Variants in SEC22A observed in about 807,000 individuals in gnomAD.
SEC22A encodes vesicle-trafficking protein SEC22a.
SEC22A carries 22 observed loss-of-function variants against 35.3 expected under a neutral mutation model. The observed-to-expected ratio is 0.62, with a 90% CI of 0.45 to 0.89. The LOEUF is 0.89. SEC22A is among the 40% of genes least tolerant of loss of function. SEC22A has a pLI of 0.00. For missense variants in SEC22A, 354 were observed against 362.5 expected (o/e 0.98, Z 0.19); for synonymous variants, 119 against 129.5 (o/e 0.92, Z 0.55).
In SEC22A at chr3:123,271,765, G is replaced by A. The variant is rs1291604655; in HGVS notation, c.*43G>A. On this transcript the variant is annotated 3_prime_UTR_variant, in exon 7 of 7. Transcript: ENST00000492595. ...ATTGCCTTGGCTTCAGGGGGATAAG[G>A]AGGGAACATATCATAACTGCACTGT... is the stretch of plus-strand genomic sequence containing the variant. The A allele has an allele frequency of 6.6e-7, 1 of 1,511,966 alleles. No homozygotes were observed. The highest frequency in any genetic ancestry group is 1.4e-5 in the African/African-American group (1 of 72,874). The allele number at this position is 1,511,966 out of a possible 1,614,324, so 93.7% of individuals were successfully genotyped here.
At chr3:123,224,581 A>G (rs1376449836) in intron 3 of SEC22A, among the ~76,000 whole-genome samples, 1 of 152,160 alleles carries the variant, frequency 6.6e-6, no homozygotes, top group African/African-American at 2.4e-5. Context: ...GGATCACTTA[A>G]GGCCAGGAGT....
chr3:123,217,312 C>A (rs1937046502), intron 2 of SEC22A, among the ~76,000 whole-genome samples: 1 of 152,096 alleles, frequency 6.6e-6, no homozygotes, highest in South Asian at 2.1e-4. Flanking sequence ...ATTCTCCTGC[C>A]TCAGCCTCCT....
chr3:123,257,668 C>T (rs1937765640), intron 5 of SEC22A, among the ~76,000 whole-genome samples: 1 of 151,240 alleles, frequency 6.6e-6, no homozygotes. Flanking sequence ...CACTGCATTC[C>T]AGGCTGGGTG....
intron 5 of SEC22A, among the ~76,000 whole-genome samples, chr3:123,252,750 C>T (rs1937628695): frequency 6.6e-6 from 1 of 152,120 alleles, no homozygotes; most frequent in South Asian, 2.1e-4. Flanking sequence ...TTGTTTCTTC[C>T]AGATTATTAA....
intron 5 of SEC22A, among the ~76,000 whole-genome samples, chr3:123,257,339 A>G (rs1937755811): frequency 6.6e-6 from 1 of 152,230 alleles, no homozygotes; most frequent in South Asian, 2.1e-4. Context: ...TAAGTGTCCC[A>G]GATTATAAGT....
At chr3:123,220,869 TATATATATATAC>T (rs974486717) in intron 2 of SEC22A, among the ~76,000 whole-genome samples, 16 of 116,670 alleles carry the variant, frequency 1.4e-4, no homozygotes, top group Admixed American at 2.5e-4. Flanking sequence ...AAAGGTCTCA[TATATATATATAC>T]ATATATATAT....
chr3:123,212,053 A>T (rs1012947754), intron 2 of SEC22A, among the ~76,000 whole-genome samples: 4 of 152,104 alleles, frequency 2.6e-5, no homozygotes, highest in African/African-American at 9.7e-5. Flanking sequence ...ACCCTGTCTC[A>T]AAAAATATAT....
chr3:123,257,995 G>GAAAAAAGAAAAAAAAA (rs1937777707), intron 5 of SEC22A, among the ~76,000 whole-genome samples: 1 of 111,484 alleles, frequency 9.0e-6, no homozygotes, highest in African/African-American at 3.1e-5. Flanking sequence ...CCATCTCATT[G>GAAAAAAGAAAAAAAAA]AAAAAAAAAA....
intron 2 of SEC22A, 66 bp from the exon 3 acceptor site, chr3:123,223,493 C>T (rs1467055380): frequency 5.6e-6 from 7 of 1,248,888 alleles, no homozygotes; most frequent in Middle Eastern, 1.9e-4. Flanking sequence ...TAGAACCAGT[C>T]TTGTGAAGCA....
intron 4 of SEC22A, among the ~76,000 whole-genome samples, chr3:123,231,289 C>G (rs1937320838): frequency 1.3e-5 from 2 of 152,108 alleles, no homozygotes; most frequent in Admixed American, 1.3e-4. Context: ...GACTTGAACA[C>G]CTGCACCACC....
At chr3:123,256,934 T>G (rs2108093204) in intron 5 of SEC22A, among the ~76,000 whole-genome samples, 1 of 152,090 alleles carries the variant, frequency 6.6e-6, no homozygotes, top group Admixed American at 6.5e-5. Context: ...TAATTTTTTG[T>G]ATTTTTAGTA....
At chr3:123,216,168 T>C (rs991204248) in intron 2 of SEC22A, among the ~76,000 whole-genome samples, 4 of 152,182 alleles carry the variant, frequency 2.6e-5, no homozygotes, top group Admixed American at 6.5e-5. Flanking sequence ...ATTACTGTTA[T>C]AGTACAGTTT....
intron 6 of SEC22A, among the ~76,000 whole-genome samples, chr3:123,264,754 G>A (rs1036075064): frequency 7.3e-5 from 11 of 151,628 alleles, no homozygotes; most frequent in Middle Eastern, 3.4e-3. Context: ...TTAGCCACCC[G>A]AGTAGCTAGG....
intron 4 of SEC22A, among the ~76,000 whole-genome samples, chr3:123,244,997 T>C (rs1937555086): frequency 6.6e-6 from 1 of 152,212 alleles, no homozygotes; most frequent in African/African-American, 2.4e-5. Flanking sequence ...ACTAAAATGG[T>C]CACTTATTCA....
At chr3:123,256,874 C>T (rs1244585153) in intron 5 of SEC22A, among the ~76,000 whole-genome samples, 1 of 151,434 alleles carries the variant, frequency 6.6e-6, no homozygotes, top group African/African-American at 2.4e-5. Flanking sequence ...ATTCTCCTGC[C>T]TCAGCCTCCC....
chr3:123,256,131 G>T (rs1937724828), intron 5 of SEC22A, among the ~76,000 whole-genome samples: 1 of 152,022 alleles, frequency 6.6e-6, no homozygotes, highest in Non-Finnish European at 1.5e-5. Context: ...CCCCCAGAAT[G>T]TTCTATATAG....
chr3:123,223,587 A>T lies in SEC22A; in HGVS notation c.211A>T (p.Met71Leu), dbSNP rs1937168844. ...TATTAGCTCTCTGGGAGTGAGCTAC[A>T]TGATGTTGTGCACTGAAAATTACCC... The part of the protein sequence containing the change: ...NFISSLGVSY[M>L]MLCTENYPNV... The change falls in exon 3 of 7, where the codon ATG (methionine) becomes TTG (leucine). Residue 71 changes from methionine to leucine, a missense_variant. Transcript: ENST00000492595. 1 of 1,613,804 alleles carries T rather than the reference A, an allele frequency of 6.2e-7. No homozygotes were observed. Among genetic ancestry groups the T allele is most frequent in the Non-Finnish European group, 8.5e-7 (1 of 1,179,802 alleles).
intron 5 of SEC22A, among the ~76,000 whole-genome samples, chr3:123,253,643 C>T (rs1295282796): frequency 6.9e-6 from 1 of 145,604 alleles, no homozygotes; most frequent in Non-Finnish European, 1.5e-5. Flanking sequence ...ACCTGGGAGG[C>T]GGAGGTTGTA....
intron 2 of SEC22A, among the ~76,000 whole-genome samples, chr3:123,220,879 TAC>T (rs145541916): frequency 0.16 from 20,454 of 127,102 alleles, 3,219 homozygotes; most frequent in Middle Eastern, 0.25. Flanking sequence ...TATATATATA[TAC>T]ATATATATAT....
Sources: allele counts gnomAD v4.1 joint callset (sites outside exome capture counted in the v4.1 genomes callset), GRCh38; gene constraint gnomAD v4.1.1; transcripts MANE v1.5; gene names NCBI Gene and HGNC (gene_info 2026-07-23, HGNC 2026-07-21).